Variants in UBXN4 observed in about 807,000 individuals in gnomAD.
UBXN4 encodes the protein UBX domain-containing protein 4.
A neutral mutation model predicts 66.2 loss-of-function variants in UBXN4; 35 were observed. The ratio of observed to expected loss-of-function variants is 0.53; its 90% CI spans 0.40 to 0.70. The LOEUF (loss-of-function observed/expected upper bound fraction) is 0.70, where lower values mean the gene tolerates loss of function less well. UBXN4 is among the 30% of genes least tolerant of loss of function. The pLI, the probability that UBXN4 is intolerant of heterozygous loss-of-function variation, is 0.00. For synonymous variants in UBXN4, 203 were observed against 204.5 expected (o/e 0.99, Z 0.06); for missense variants, 533 against 599.8 (o/e 0.89, Z 1.16).
chr2:135,753,762 A>T (rs1237662375), intron 3 of UBXN4, 195 bp downstream of exon 3: 1 of 527,076 alleles, frequency 1.9e-6, no homozygotes, highest in African/African-American at 2.0e-5. Context: ...AAAGTAACTC[A>T]ATGGTGTAGT....
In UBXN4 at chr2:135,755,563, C is replaced by T. The variant is rs370333742; in HGVS notation, c.380C>T (p.Ser127Leu). 1.1e-5 allele frequency: 18 copies of T among 1,602,038 alleles called. No homozygotes were observed. Among genetic ancestry groups the T allele is most frequent in the African/African-American group, 5.4e-5 (4 of 74,418 alleles). Residue 127 changes from serine (S) to leucine (L), a missense_variant, in exon 5 of 13, where the codon TCA (serine) becomes TTA (leucine). Around this residue, in one of 2 missense-constraint regions of UBXN4, gnomAD observed 529 missense variants for 580.1 expected, o/e 0.91. Transcript: ENST00000272638. ...SETSVANGSQ[S>L]ESSVSTPSAS... The stretch of plus-strand genomic sequence containing the variant: ...ACATCAGTAGCAAATGGCAGTCAGT[C>T]AGAAAGTTCAGTGTCTACTCCATCT...
intron 10 of UBXN4, among the ~76,000 whole-genome samples, chr2:135,776,579 G>A (rs968330055): frequency 2.6e-5 from 4 of 152,120 alleles, no homozygotes; most frequent in African/African-American, 7.2e-5. Flanking sequence ...TTGTATAATA[G>A]GTCCTGGGAA....
Position 135,780,307 on chromosome 2 carries a change from C to A in UBXN4, c.1310C>A (p.Pro437Gln), listed in dbSNP as rs769939888. ...RLISNFLFSN[P>Q]PPTQTSVRVT... The stretch of plus-strand genomic sequence containing the variant: ...ATTAGCAATTTCTTGTTTAGTAATC[C>A]GCCTCCCACACAGACTTCAGTGAGA... The change falls in exon 12 of 13, where the codon CCG becomes CAG. Residue 437 changes from proline (P) to glutamine (Q), a missense_variant. By Grantham distance (76) the Pro-to-Gln change is moderately conservative. Transcript: ENST00000272638. 1 of 1,614,020 alleles carries A rather than the reference C, an allele frequency of 6.2e-7. No homozygotes were observed. Among genetic ancestry groups the A allele is most frequent in the South Asian group, 1.1e-5 (1 of 91,072 alleles).
At chr2:135,750,887 G>A (rs953371875) in intron 2 of UBXN4, among the ~76,000 whole-genome samples, 1 of 121,612 alleles carries the variant, frequency 8.2e-6, no homozygotes, top group African/African-American at 3.5e-5. Flanking sequence ...ACGGAGTCTT[G>A]CTCTGTCGCC....
rs1364389892 is a variant in UBXN4 at position 135,780,239 on chromosome 2, G to T, written c.1242G>T (p.Leu414Phe). The change falls in exon 12 of 13, where the codon TTG (leucine) becomes TTT (phenylalanine). Residue 414 changes from leucine (L) to phenylalanine (F), a missense_variant. Coordinates refer to ENST00000272638, the MANE Select transcript of UBXN4 (RefSeq NM_014607.4). ...VHSSSGDIWT[L>F]LGTVLYPFLA... ...CTTCCAGCGGAGACATTTGGACCTTGTTGGGAACAGTGCTTTATCCATTCC... is the reference window on the plus strand; with the variant it reads ...CTTCCAGCGGAGACATTTGGACCTTTTTGGGAACAGTGCTTTATCCATTCC... The T allele has an allele frequency of 6.2e-7, 1 of 1,613,982 alleles. No individual in the cohort carries two copies. Among genetic ancestry groups the T allele is most frequent in the Non-Finnish European group, 8.5e-7 (1 of 1,180,010 alleles).
chr2:135,751,172 A>T (rs1188476994), intron 2 of UBXN4, among the ~76,000 whole-genome samples: 1 of 144,618 alleles, frequency 6.9e-6, no homozygotes, highest in Admixed American at 7.0e-5. Flanking sequence ...ATTTTTAAAA[A>T]TAAATTACTT....
At chr2:135,752,374 G>A (rs185652520) in intron 2 of UBXN4, among the ~76,000 whole-genome samples, 61 of 152,174 alleles carry the variant, frequency 4.0e-4, no homozygotes, top group Non-Finnish European at 5.7e-4. Flanking sequence ...TAGAGACAGG[G>A]TTTCGCCATG....
At chr2:135,745,868 C>T (rs1400178249) in intron 1 of UBXN4, among the ~76,000 whole-genome samples, 3 of 51,316 alleles carry the variant, frequency 5.8e-5, no homozygotes, top group Admixed American at 4.4e-4. Flanking sequence ...CATTCTAGTC[C>T]CGTTTACTTT....
intron 10 of UBXN4, 51 bp downstream of exon 10, chr2:135,776,402 T>A: frequency 6.6e-7 from 1 of 1,504,184 alleles, no homozygotes; most frequent in South Asian, 1.2e-5. Flanking sequence ...GGTTACTAAA[T>A]TATAGGAAGG....
At chr2:135,744,287 A>C (rs936572733) in intron 1 of UBXN4, among the ~76,000 whole-genome samples, 1 of 152,246 alleles carries the variant, frequency 6.6e-6, no homozygotes, top group East Asian at 1.9e-4. Flanking sequence ...TTCAAGTGGG[A>C]AACGTTTTAG....
At chr2:135,750,533 AT>A (rs1276944016) in intron 2 of UBXN4, among the ~76,000 whole-genome samples, 1 of 152,144 alleles carries the variant, frequency 6.6e-6, no homozygotes, top group Admixed American at 6.5e-5. Flanking sequence ...AAATAAAAAA[AT>A]AAATTCAGAA....
chr2:135,773,336 C>T (rs528418154), intron 9 of UBXN4, among the ~76,000 whole-genome samples: 3 of 152,178 alleles, frequency 2.0e-5, no homozygotes, highest in Non-Finnish European at 4.4e-5. Flanking sequence ...CTTAGAGAAA[C>T]TCTCCAAATG....
chr2:135,746,687 A>G (rs1253615799), intron 1 of UBXN4, among the ~76,000 whole-genome samples: 1 of 152,178 alleles, frequency 6.6e-6, no homozygotes, highest in Non-Finnish European at 1.5e-5. Flanking sequence ...TAGTACAAAG[A>G]CCTTATGGCT....
In UBXN4 at chr2:135,761,888, G is replaced by A. The variant is rs780636705; in HGVS notation, c.579G>A (p.Glu193=). The A allele has an allele frequency of 6.2e-7, 1 of 1,613,368 alleles. No individual in the cohort carries two copies. The highest frequency in any genetic ancestry group is 8.5e-7 in the Non-Finnish European group (1 of 1,179,766). ...GATGCTCAGATCAGAGACCTGCAGAGGACCTCAACATCCGAGTGGAAAGGT... is the reference window on the plus strand; with the variant it reads ...GATGCTCAGATCAGAGACCTGCAGAAGACCTCAACATCCGAGTGGAAAGGT... The part of the protein sequence containing the change: ...PSGCSDQRPA[E]DLNIRVERLT... Residue 193 remains glutamate, a synonymous_variant, in exon 6 of 13, where the codon GAG becomes GAA. Coordinates refer to ENST00000272638, the MANE Select transcript of UBXN4 (RefSeq NM_014607.4).
chr2:135,749,350 T>A (rs2077228566), intron 2 of UBXN4, among the ~76,000 whole-genome samples: 1 of 152,226 alleles, frequency 6.6e-6, no homozygotes, highest in Admixed American at 6.5e-5. Context: ...CATTTATAGG[T>A]TCCTCAAAGT....
At chr2:135,772,679 C>T (rs993993766) in intron 9 of UBXN4, 132 bp downstream of exon 9, 10 of 1,124,452 alleles carry the variant, frequency 8.9e-6, no homozygotes, top group African/African-American at 1.6e-5. Flanking sequence ...AATTTGACAG[C>T]TCCCAATGGT....
At chr2:135,762,727 G>A (rs548165899) in intron 6 of UBXN4, among the ~76,000 whole-genome samples, 2 of 152,192 alleles carry the variant, frequency 1.3e-5, no homozygotes, top group Admixed American at 1.3e-4. Flanking sequence ...GAGGTGAAAA[G>A]CAGGCTGGAC....
At position 135,782,945 on chromosome 2, in the gene UBXN4, A is replaced by C; in HGVS notation, c.*58A>C. The C allele has an allele frequency of 1.3e-6, 2 of 1,546,444 alleles. No individual in the cohort carries two copies. Among genetic ancestry groups the C allele is most frequent in the Non-Finnish European group, 1.8e-6 (2 of 1,141,642 alleles). ...TTTCTCTTATGATTTAATTCAACTAAAATTCTACTGGAGAAGTGGGACTGC... is the reference window on the plus strand; with the variant it reads ...TTTCTCTTATGATTTAATTCAACTACAATTCTACTGGAGAAGTGGGACTGC... On this transcript the variant is annotated 3_prime_UTR_variant, in exon 13 of 13. Transcript: ENST00000272638.
chr2:135,782,595 A>G (rs543356250), intron 12 of UBXN4, among the ~76,000 whole-genome samples, 154 bp from the exon 13 acceptor site: 1 of 152,360 alleles, frequency 6.6e-6, no homozygotes, highest in Admixed American at 6.5e-5. Context: ...GTACTGTGTT[A>G]GTAGATATAA....
Sources: allele counts gnomAD v4.1 joint callset (sites outside exome capture counted in the v4.1 genomes callset), GRCh38; gene constraint gnomAD v4.1.1; regional missense constraint gnomAD v4.1.1; transcripts MANE v1.5; gene names NCBI Gene and HGNC (gene_info 2026-07-23, HGNC 2026-07-21).